Variants in TOGARAM2 observed in about 807,000 individuals in gnomAD.
TOGARAM2 encodes TOG array regulator of axonemal microtubules protein 2.
A neutral mutation model predicts 93.3 loss-of-function variants in TOGARAM2; 85 were observed. That is an observed-to-expected ratio of 0.91 (90% CI 0.76 to 1.09). TOGARAM2 has a LOEUF of 1.09. TOGARAM2 is among the 50% of genes least tolerant of loss of function. The pLI, the probability that TOGARAM2 is intolerant of heterozygous loss-of-function variation, is 0.00. For missense variants in TOGARAM2, 1,277 were observed against 1,334.5 expected (o/e 0.96, Z 0.67); for synonymous variants, 593 against 552.8 (o/e 1.07, Z -1.02).
intron 2 of TOGARAM2, among the ~76,000 whole-genome samples, chr2:28,997,670 A>T (rs1673059898): frequency 6.6e-6 from 1 of 152,188 alleles, no homozygotes; most frequent in Non-Finnish European, 1.5e-5. Context: ...TGGCAAGGTA[A>T]TTGGATGCTC....
At chr2:29,050,231 G>A in intron 19 of TOGARAM2, 1 of 152,224 alleles carries the variant, frequency 6.6e-6, no homozygotes, top group East Asian at 1.9e-4. Context: ...GGAGGCGCAT[G>A]CCTGTGGTCC....
chr2:29,051,862 T>A lies in TOGARAM2; in HGVS notation c.2829T>A (p.Pro943=). ...CCGCCACCAGGAATGGCACCCTGCC[T>A]GGACCCAGCGGGAACATCCGCGGGG... The part of the protein sequence containing the change: ...LNTATRNGTL[P]GPSGNIRGVV... Residue 943 remains proline (P), a synonymous_variant, in exon 20 of 20, where the codon CCT becomes CCA. Transcript: ENST00000379558. 6.4e-7 allele frequency: 1 copy of A among 1,570,518 alleles called. No homozygotes were observed. The highest frequency in any genetic ancestry group is 8.6e-7 in the Non-Finnish European group (1 of 1,157,930).
At chr2:28,978,773 A>G (rs1262102942), upstream of TOGARAM2, among the ~76,000 whole-genome samples, 1 of 152,076 alleles carries the variant, frequency 6.6e-6, no homozygotes, top group Non-Finnish European at 1.5e-5. Flanking sequence ...GGGTGGGAGC[A>G]GGCCAGTGTG....
intron 6 of TOGARAM2, among the ~76,000 whole-genome samples, chr2:29,007,444 A>G (rs764168314): frequency 6.6e-6 from 1 of 151,990 alleles, no homozygotes; most frequent in Non-Finnish European, 1.5e-5. Context: ...CTCCTGCTCC[A>G]ACACATTTCC....
intron 16 of TOGARAM2, among the ~76,000 whole-genome samples, chr2:29,034,601 A>G (rs1245194237): frequency 6.6e-6 from 1 of 152,240 alleles, no homozygotes; most frequent in Non-Finnish European, 1.5e-5. Flanking sequence ...GGTGTAGGGC[A>G]TGAGCCAGTG....
In TOGARAM2 at chr2:29,012,357, C is replaced by A. The variant is rs547501418; in HGVS notation, c.877+856C>A. Among the ~76,000 whole-genome samples, 3 of 152,244 alleles carry A rather than the reference C, an allele frequency of 2.0e-5. No individual in the cohort carries two copies. In the South Asian group the frequency reaches 6.2e-4, roughly 32 times the overall value. ...GGGGGGTGGCTGTTGCCCAAGAGGC[C>A]CTGGGATCAAGACACAAAGCTGGAC... On this transcript the variant is annotated intron_variant, in intron 7 of 19. Coordinates refer to ENST00000379558, the MANE Select transcript of TOGARAM2 (RefSeq NM_199280.4).
intron 10 of TOGARAM2, among the ~76,000 whole-genome samples, chr2:29,021,810 A>C (rs1399617249): frequency 6.9e-6 from 1 of 144,598 alleles, no homozygotes; most frequent in Non-Finnish European, 1.5e-5. Context: ...AGGGGGCCCC[A>C]CCCCACCACA....
At chr2:29,026,730 G>T in intron 13 of TOGARAM2, 123 bp from the exon 14 acceptor site, 1 of 1,096,970 alleles carries the variant, frequency 9.1e-7, no homozygotes, top group Non-Finnish European at 1.2e-6. Context: ...ATGGGGACAG[G>T]TATTTTTGGA....
At chr2:29,008,967 T>C (rs954979545) in intron 6 of TOGARAM2, among the ~76,000 whole-genome samples, 2 of 152,198 alleles carry the variant, frequency 1.3e-5, no homozygotes, top group African/African-American at 4.8e-5. Flanking sequence ...ATGGAGGGGA[T>C]GGAGGCTCTA....
intron 1 of TOGARAM2, among the ~76,000 whole-genome samples, chr2:28,983,781 C>T (rs911108260): frequency 4.6e-5 from 7 of 152,176 alleles, no homozygotes; most frequent in African/African-American, 1.4e-4. Context: ...TGCCAGCTGT[C>T]ATGAGTGCTC....
intron 1 of TOGARAM2, among the ~76,000 whole-genome samples, chr2:28,966,422 T>A (rs1671869467): frequency 6.6e-6 from 1 of 152,010 alleles, no homozygotes; most frequent in South Asian, 2.1e-4. Context: ...CTCAGCCTCC[T>A]GAGTAGCTGG....
rs746878658 is a variant in TOGARAM2 at position 29,022,193 on chromosome 2, C to A, written c.1396C>A (p.Pro466Thr). The A allele has an allele frequency of 6.2e-7, 1 of 1,614,012 alleles. No homozygotes were observed. The highest frequency in any genetic ancestry group is 1.7e-5 in the Admixed American group (1 of 60,024). Reference sequence around the variant, plus strand: ...ACCTGCGGTGCTCACGTTGGGGTCTCCTGAATGGGAAGAAGAGGAGGAGAT... The same window carrying A: ...ACCTGCGGTGCTCACGTTGGGGTCTACTGAATGGGAAGAAGAGGAGGAGAT... The part of the protein sequence containing the change: ...SLPAVLTLGS[P>T]EWEEEEEMDL... The change falls in exon 11 of 20, where the codon CCT becomes ACT. Residue 466 changes from proline (P) to threonine (T), a missense_variant. Pro to Thr is a conservative substitution (Grantham distance 38). Coordinates refer to ENST00000379558, the MANE Select transcript of TOGARAM2 (RefSeq NM_199280.4).
chr2:28,963,741 C>T (rs1419713299), intron 1 of TOGARAM2, among the ~76,000 whole-genome samples: 1 of 152,154 alleles, frequency 6.6e-6, no homozygotes, highest in Non-Finnish European at 1.5e-5. Context: ...AATGCGGTGG[C>T]TCATGCCTGT....
chr2:28,975,251 C>T (rs1382828903), intron 1 of TOGARAM2, among the ~76,000 whole-genome samples: 4 of 151,644 alleles, frequency 2.6e-5, no homozygotes, highest in East Asian at 1.9e-4. Flanking sequence ...TGCAGTGGTG[C>T]GATCTTGGCT....
intron 18 of TOGARAM2, among the ~76,000 whole-genome samples, chr2:29,041,300 A>G (rs1666421036): frequency 1.3e-5 from 2 of 152,202 alleles, no homozygotes; most frequent in Non-Finnish European, 2.9e-5. Flanking sequence ...CTGGGATGAC[A>G]GGTGTGAGCC....
chr2:29,043,934 C>T (rs555301431), intron 18 of TOGARAM2, among the ~76,000 whole-genome samples: 4 of 152,340 alleles, frequency 2.6e-5, no homozygotes, highest in Admixed American at 2.0e-4. Context: ...GATACGGAGT[C>T]CTGCTGCAGT....
intron 7 of TOGARAM2, among the ~76,000 whole-genome samples, 176 bp downstream of exon 7, chr2:29,011,677 C>T (rs969256211): frequency 2.0e-5 from 3 of 152,174 alleles, no homozygotes; most frequent in Non-Finnish European, 4.4e-5. Flanking sequence ...GCAGCGGGCC[C>T]GGGCGAGGTG....
At chr2:29,042,580 C>T (rs1666500698) in intron 18 of TOGARAM2, among the ~76,000 whole-genome samples, 1 of 152,170 alleles carries the variant, frequency 6.6e-6, no homozygotes, top group Non-Finnish European at 1.5e-5. Flanking sequence ...TGATTTTATT[C>T]AGCAGCAGCT....
At chr2:28,984,869 C>T (rs1002065605) in intron 1 of TOGARAM2, among the ~76,000 whole-genome samples, 2 of 152,172 alleles carry the variant, frequency 1.3e-5, no homozygotes, top group African/African-American at 4.8e-5. Flanking sequence ...ACTGTAGTGG[C>T]AAGGTGACCA....
Sources: allele counts gnomAD v4.1 joint callset (sites outside exome capture counted in the v4.1 genomes callset), GRCh38; gene constraint gnomAD v4.1.1; transcripts MANE v1.5; gene names NCBI Gene and HGNC (gene_info 2026-07-23, HGNC 2026-07-21).